The following MAST4 variants were observed in gnomAD, a reference collection of about 807,000 sequenced individuals.
The protein encoded by MAST4 is microtubule-associated serine/threonine-protein kinase 4.
Under a neutral mutation model 162.7 loss-of-function variants are expected in MAST4, and 89 were observed. That is an observed-to-expected ratio of 0.55 (90% CI 0.46 to 0.65). The LOEUF (loss-of-function observed/expected upper bound fraction) is 0.65. MAST4 is among the 30% of genes least tolerant of loss of function. The pLI is 0.00. For synonymous variants in MAST4, 1,479 were observed against 1,361.1 expected (o/e 1.09, Z -1.91); for missense variants, 3,153 against 3,374.0 (o/e 0.93, Z 1.62).
At position 67,048,077 on chromosome 5, in the gene MAST4, T is replaced by G. The variant is rs115967694; in HGVS notation, c.675-6327T>G. 6.3e-3 allele frequency among the ~76,000 whole-genome samples: 967 copies of G among 152,304 alleles called. 11 individuals carry two copies. Among genetic ancestry groups the G allele is most frequent in the African/African-American group, 0.023 (939 of 41,552 alleles). ...GATTTGGGCAAGAGGTGTCCAAAGA[T>G]TTTAAGAAATATTTGCTTTATGTTG... On this transcript the variant is annotated intron_variant, in intron 4 of 28. Coordinates refer to ENST00000403625, the MANE Select transcript of MAST4 (RefSeq NM_001164664.2).
At chr5:67,026,403 C>G (rs1478792313) in intron 4 of MAST4, among the ~76,000 whole-genome samples, 1 of 152,112 alleles carries the variant, frequency 6.6e-6, no homozygotes, top group African/African-American at 2.4e-5. Flanking sequence ...CATAAATGCC[C>G]CTGTGTTAAT....
intron 5 of MAST4, among the ~76,000 whole-genome samples, chr5:67,089,835 C>G (rs976334520): frequency 2.6e-5 from 4 of 152,292 alleles, no homozygotes; most frequent in Non-Finnish European, 5.9e-5. Context: ...GGGTCACAAC[C>G]AAGACTTGTA....
chr5:66,832,740 A>T (rs1281507570), intron 3 of MAST4, among the ~76,000 whole-genome samples: 1 of 152,196 alleles, frequency 6.6e-6, no homozygotes, highest in African/African-American at 2.4e-5. Context: ...GTCTATATTC[A>T]TTTGAAGACT....
chr5:67,167,206 T>G lies in MAST4; in HGVS notation c.*155T>G, dbSNP rs1302519320. On this transcript the variant is annotated 3_prime_UTR_variant, in exon 29 of 29. Coordinates refer to ENST00000403625, the MANE Select transcript of MAST4 (RefSeq NM_001164664.2). ...GAGAGAGAAAGACAAAGAGGGGACC[T>G]TCTTCCAGATGCCTTCCCAGTTGTA... 2.6e-6 allele frequency: 1 copy of G among 380,014 alleles called. No individual in the cohort carries two copies. The highest frequency in any genetic ancestry group is 4.3e-6 in the Non-Finnish European group (1 of 231,974). 23.5% of individuals were successfully genotyped at this position (380,014 alleles called of 1,614,324 possible). A position where few individuals can be genotyped will look rare whatever the true frequency, so the allele number is the denominator to read the frequency against.
rs139229225 is a variant in MAST4, at chr5:66,845,596, G to C, written c.643-54355G>C. On this transcript the variant is annotated intron_variant, in intron 3 of 28. Coordinates refer to ENST00000403625, the MANE Select transcript of MAST4 (RefSeq NM_001164664.2). Reference sequence around the variant, plus strand: ...ACATACGTGTGCATGTGTCTTTATAGTAGCATGATTTATAATCCTTTGGGT... The same window carrying C: ...ACATACGTGTGCATGTGTCTTTATACTAGCATGATTTATAATCCTTTGGGT... 1.2e-4 allele frequency among the ~76,000 whole-genome samples: 19 copies of C among 152,226 alleles called. No homozygotes were observed. In the East Asian group the frequency reaches 3.7e-3, roughly 29 times the overall value.
At chr5:67,029,023 T>C (rs1258479968) in intron 4 of MAST4, among the ~76,000 whole-genome samples, 2 of 151,952 alleles carry the variant, frequency 1.3e-5, no homozygotes, top group Non-Finnish European at 2.9e-5. Flanking sequence ...TAGTGCCAGC[T>C]ACCTGAGATG....
At chr5:66,671,862 T>C (rs551829527) in intron 1 of MAST4, among the ~76,000 whole-genome samples, 2 of 152,262 alleles carry the variant, frequency 1.3e-5, no homozygotes, top group African/African-American at 4.8e-5. Flanking sequence ...TTCATTATCC[T>C]AGATTGTGGT....
intron 3 of MAST4, chr5:66,828,796 C>G: frequency 6.3e-7 from 1 of 1,592,634 alleles, no homozygotes; most frequent in East Asian, 2.3e-5. Context: ...AGAGGTAGTA[C>G]AGCATGGCTA....
intron 1 of MAST4, among the ~76,000 whole-genome samples, chr5:66,634,651 T>A (rs1428964821): frequency 6.6e-6 from 1 of 152,214 alleles, no homozygotes; most frequent in Non-Finnish European, 1.5e-5. Flanking sequence ...GAGCAAATAA[T>A]CATAATAGGC....
At chr5:66,841,947 T>G (rs1758459622) in intron 3 of MAST4, among the ~76,000 whole-genome samples, 1 of 152,210 alleles carries the variant, frequency 6.6e-6, no homozygotes, top group Non-Finnish European at 1.5e-5. Context: ...TTTGACTTAA[T>G]TCTTGGTTTC....
chr5:66,689,031 C>G (rs1472441601), intron 1 of MAST4, among the ~76,000 whole-genome samples: 1 of 152,126 alleles, frequency 6.6e-6, no homozygotes, highest in Non-Finnish European at 1.5e-5. Context: ...TTTATTCTAT[C>G]CTTAGGAAAA....
chr5:66,964,079 T>C (rs1434170005), intron 4 of MAST4: 2 of 568,680 alleles, frequency 3.5e-6, no homozygotes, highest in East Asian at 4.4e-5. Flanking sequence ...TTGATCAATA[T>C]AAAGATATAA....
At chr5:66,998,587 A>G (rs1750927387) in intron 4 of MAST4, among the ~76,000 whole-genome samples, 1 of 152,208 alleles carries the variant, frequency 6.6e-6, no homozygotes, top group South Asian at 2.1e-4. Flanking sequence ...AATATTAGGC[A>G]GGTAGCCCTA....
At chr5:66,902,828 A>G in intron 4 of MAST4, 1 of 372,682 alleles carries the variant, frequency 2.7e-6, no homozygotes, top group South Asian at 2.1e-5. Context: ...ACGAATAGCC[A>G]TTTGCCAAGG....
chr5:67,145,193 A>T lies in MAST4; in HGVS notation c.2908A>T (p.Lys970Ter). The change falls in exon 23 of 29, where the codon AAA becomes TAA. Residue 970 changes from lysine to a stop codon, truncating the protein, a stop_gained. Transcript: ENST00000403625. LOFTEE classifies it high-confidence loss of function. ...NSSDTESNRHKLSSGLLPKLA... is the reference protein window; with the variant it reads ...NSSDTESNRH Reference sequence around the variant, plus strand: ...TTCAGATACTGAAAGCAACAGACATAAACTCAGTTCTGGCCTACTTCCCAA... The same window carrying T: ...TTCAGATACTGAAAGCAACAGACATTAACTCAGTTCTGGCCTACTTCCCAA... 1 of 1,613,360 alleles carries T rather than the reference A, an allele frequency of 6.2e-7. No individual in the cohort carries two copies. Among genetic ancestry groups the T allele is most frequent in the Non-Finnish European group, 8.5e-7 (1 of 1,179,630 alleles).
rs1162404331 is a variant in MAST4 at position 66,596,818 on chromosome 5, G to C, written c.163G>C (p.Gly55Arg). The C allele has an allele frequency of 2.0e-5, 26 of 1,318,298 alleles. No individual in the cohort carries two copies. Among genetic ancestry groups the C allele is most frequent in the Non-Finnish European group, 2.5e-5 (26 of 1,031,800 alleles). The allele number at this position is 1,318,298 out of a possible 1,614,324, so 81.7% of individuals were successfully genotyped here. Reference protein sequence around the residue: ...SETLSEEGEPGGFSREHQPPP... With the variant: ...SETLSEEGEPRGFSREHQPPP... ...AACTCTGTCGGAGGAAGGGGAGCCC[G>C]GCGGCTTCTCCAGAGAGCATCAGCC... The change falls in exon 1 of 29, where the codon GGC (glycine) becomes CGC (arginine). Residue 55 changes from glycine to arginine, a missense_variant. Gly to Arg is a moderately radical substitution (Grantham distance 125). This residue lies in a region of MAST4 where 327 missense variants were observed against 336.5 expected (regional missense o/e 0.97). Coordinates refer to ENST00000403625, the MANE Select transcript of MAST4 (RefSeq NM_001164664.2).
Position 67,133,547 on chromosome 5 carries a change from G to C in MAST4, c.2127G>C (p.Leu709=). Residue 709 remains leucine, a synonymous_variant, in exon 17 of 29, where the codon CTG becomes CTC. Transcript: ENST00000403625. ...LLVTSMGHIK[L]TDFGLSKVGL... is the part of the protein sequence containing the mutation. ...TTACCTCCATGGGGCACATAAAGCT[G>C]ACAGATTTTGGATTATCTAAGGTGG... 1 of 1,613,418 alleles carries C rather than the reference G, an allele frequency of 6.2e-7. No homozygotes were observed. Among genetic ancestry groups the C allele is most frequent in the East Asian group, 2.2e-5 (1 of 44,868 alleles).
intron 1 of MAST4, among the ~76,000 whole-genome samples, chr5:66,610,810 T>C (rs941065871): frequency 3.3e-5 from 5 of 152,246 alleles, no homozygotes; most frequent in African/African-American, 9.6e-5. Context: ...CCCAGCCACG[T>C]TGTGGCTCTG....
intron 3 of MAST4, among the ~76,000 whole-genome samples, chr5:66,823,427 CAT>C (rs1757089275): frequency 6.6e-6 from 1 of 152,292 alleles, no homozygotes; most frequent in East Asian, 1.9e-4. Flanking sequence ...TGAGATGATA[CAT>C]ATAAAGTACT....
Sources: allele counts gnomAD v4.1 joint callset (sites outside exome capture counted in the v4.1 genomes callset), GRCh38; gene constraint gnomAD v4.1.1; regional missense constraint gnomAD v4.1.1; transcripts MANE v1.5; gene names NCBI Gene and HGNC (gene_info 2026-07-23, HGNC 2026-07-21).